LHPP: variants seen among roughly 807,000 people sequenced by gnomAD.
LHPP encodes phospholysine phosphohistidine inorganic pyrophosphate phosphatase.
A neutral mutation model predicts 30.3 loss-of-function variants in LHPP; 24 were observed. The observed-to-expected ratio is 0.79, with a 90% CI of 0.57 to 1.11. The LOEUF (loss-of-function observed/expected upper bound fraction) is 1.11. Ranked by LOEUF, LHPP falls within the 50% of genes most tolerant of loss-of-function variation. The probability of loss-of-function intolerance (pLI) is 0.00; values close to 1 mark genes in which losing one functional copy is unlikely to be tolerated. For missense variants in LHPP, 356 were observed against 367.2 expected, an observed-to-expected ratio of 0.97 and a Z score of 0.25; for synonymous variants, 150 against 157.1, an observed-to-expected ratio of 0.95 and a Z score of 0.34.
At chr10:124,581,538 G>A (rs1948741907) in intron 6 of LHPP, among the ~76,000 whole-genome samples, 1 of 152,218 alleles carries the variant, frequency 6.6e-6, no homozygotes, top group South Asian at 2.1e-4. Context: ...AGTGTATGAG[G>A]GCTGATTTAT....
chr10:124,588,339 T>C (rs1447009504), intron 6 of LHPP, among the ~76,000 whole-genome samples: 2 of 151,520 alleles, frequency 1.3e-5, no homozygotes, highest in African/African-American at 4.9e-5. Context: ...TTGCCCAGGC[T>C]GGAGTGCAGT....
chr10:124,586,607 G>A (rs1038888533), intron 6 of LHPP, among the ~76,000 whole-genome samples: 2 of 152,214 alleles, frequency 1.3e-5, no homozygotes, highest in African/African-American at 4.8e-5. Flanking sequence ...CAGGTCCAGG[G>A]AGGCTCCACA....
chr10:124,462,154 C>T lies in LHPP; in HGVS notation c.125+167C>T, dbSNP rs868850361. Among the ~76,000 whole-genome samples the T allele has an allele frequency of 1.2e-4, 18 of 152,252 alleles. No individual in the cohort carries two copies. In the Middle Eastern group the frequency reaches 0.01, roughly 86 times the overall value. On this transcript the variant is annotated intron_variant, in intron 1 of 6. Transcript: ENST00000368842. ...CGCACAGTGCTGACCACGGACGACC[C>T]CACTGTTGCCCCCGGCGAGCACCAG...
chr10:124,495,984 A>AT (rs1279640858), intron 3 of LHPP, among the ~76,000 whole-genome samples: 2 of 152,208 alleles, frequency 1.3e-5, no homozygotes, highest in African/African-American at 4.8e-5. Flanking sequence ...TCAAGTCAGC[A>AT]TGCGCTCTTC....
chr10:124,570,213 A>C (rs1219858429), intron 6 of LHPP, among the ~76,000 whole-genome samples: 1 of 152,180 alleles, frequency 6.6e-6, no homozygotes, highest in East Asian at 1.9e-4. Flanking sequence ...TGGCACCCAC[A>C]GTGACCGTCA....
chr10:124,589,946 C>T (rs1948858580), intron 6 of LHPP, among the ~76,000 whole-genome samples: 1 of 152,182 alleles, frequency 6.6e-6, no homozygotes, highest in Admixed American at 6.5e-5. Flanking sequence ...GAGCTGTCAG[C>T]CTGCCAAATC....
intron 1 of LHPP, among the ~76,000 whole-genome samples, chr10:124,483,502 G>A (rs1953207113): frequency 6.6e-6 from 1 of 152,170 alleles, no homozygotes; most frequent in Non-Finnish European, 1.5e-5. Context: ...GCCAGGCACG[G>A]TGGCTCACAC....
intron 1 of LHPP, among the ~76,000 whole-genome samples, chr10:124,462,740 C>T (rs537615812): frequency 6.6e-6 from 1 of 152,256 alleles, no homozygotes; most frequent in Admixed American, 6.5e-5. Context: ...CTCTGTCGCC[C>T]AGGCTGGAGT....
At chr10:124,539,868 C>T (rs1317763755) in intron 6 of LHPP, among the ~76,000 whole-genome samples, 1 of 152,078 alleles carries the variant, frequency 6.6e-6, no homozygotes, top group Non-Finnish European at 1.5e-5. Flanking sequence ...CACCACTGCA[C>T]TCCAGCCTGG....
intron 1 of LHPP, among the ~76,000 whole-genome samples, chr10:124,471,454 T>TTTATATATATTTATATA (rs1952738483): frequency 1.1e-3 from 2 of 1,880 alleles, no homozygotes; most frequent in South Asian, 7.5e-3. Context: ...TATTTATATA[T>TTTATATATATTTATATA]TTATATATAT....
intron 1 of LHPP, among the ~76,000 whole-genome samples, chr10:124,465,519 C>T (rs1466691068): frequency 6.6e-6 from 1 of 152,144 alleles, no homozygotes; most frequent in Non-Finnish European, 1.5e-5. Flanking sequence ...ATCTAGAAAG[C>T]AAAAACAACG....
At chr10:124,533,062 C>T (rs998225125) in intron 6 of LHPP, among the ~76,000 whole-genome samples, 3 of 152,202 alleles carry the variant, frequency 2.0e-5, no homozygotes, top group Non-Finnish European at 4.4e-5. Context: ...ACCTTTATTA[C>T]AGGAGCTCCA....
At chr10:124,497,894 A>C in intron 4 of LHPP, 142 bp from the exon 5 acceptor site, 1 of 676,294 alleles carries the variant, frequency 1.5e-6, no homozygotes, top group Non-Finnish European at 2.6e-6. Context: ...CCTGCCTGTG[A>C]GATGAGTTCT....
chr10:124,612,230 C>T (rs999460837), intron 6 of LHPP, among the ~76,000 whole-genome samples: 2 of 152,088 alleles, frequency 1.3e-5, no homozygotes, highest in Non-Finnish European at 2.9e-5. Context: ...ATGGCGAAAC[C>T]CTATCTCTAC....
chr10:124,606,064 AC>A (rs1188408532), intron 6 of LHPP, among the ~76,000 whole-genome samples: 2 of 152,080 alleles, frequency 1.3e-5, no homozygotes. Flanking sequence ...TGGAGGGCCC[AC>A]CCCACATCAG....
At chr10:124,605,639 C>CT (rs1246851017) in intron 6 of LHPP, 3 of 152,400 alleles carry the variant, frequency 2.0e-5, no homozygotes, top group Admixed American at 6.5e-5. Flanking sequence ...AGCCCAGACA[C>CT]TGAGTGGCTG....
intron 6 of LHPP, among the ~76,000 whole-genome samples, chr10:124,564,575 T>G (rs1056070697): frequency 2.0e-5 from 3 of 152,168 alleles, no homozygotes; most frequent in African/African-American, 7.2e-5. Context: ...TTTAGCGGTC[T>G]GTCTGAACAT....
At chr10:124,591,881 T>A (rs1948886193) in intron 6 of LHPP, among the ~76,000 whole-genome samples, 1 of 151,994 alleles carries the variant, frequency 6.6e-6, no homozygotes. Context: ...TAGCAACACT[T>A]CCTGGTTTTA....
At chr10:124,555,757 A>C (rs1166976678) in intron 6 of LHPP, among the ~76,000 whole-genome samples, 1 of 152,236 alleles carries the variant, frequency 6.6e-6, no homozygotes, top group African/African-American at 2.4e-5. Context: ...TTTCAAAAAA[A>C]AATTCAATAT....
Sources: gnomAD v4.1 joint callset for allele counts (sites outside exome capture counted in the v4.1 genomes callset) on GRCh38, gnomAD v4.1.1 for gene constraint, MANE v1.5 for transcripts, NCBI Gene and HGNC (gene_info 2026-07-23, HGNC 2026-07-21) for gene names.